CSMD3: variants seen among roughly 807,000 people sequenced by gnomAD.
CSMD3 encodes the protein CUB and sushi domain-containing protein 3.
A neutral mutation model predicts 435.2 loss-of-function variants in CSMD3; 177 were observed. The observed-to-expected ratio is 0.41, with a 90% CI of 0.36 to 0.46. The LOEUF (loss-of-function observed/expected upper bound fraction) is 0.46. Among genes scored for constraint, CSMD3 ranks in the 20% least tolerant of loss-of-function variants. CSMD3 has a pLI of 0.34. For synonymous variants in CSMD3, 1,656 were observed against 1,520.5 expected, an observed-to-expected ratio of 1.09 and a Z score of -2.07; for missense variants, 4,265 against 4,504.6, an observed-to-expected ratio of 0.95 and a Z score of 1.52.
chr8:112,986,483 T>C (rs1057129929), intron 6 of CSMD3, among the ~76,000 whole-genome samples: 4 of 152,150 alleles, frequency 2.6e-5, no homozygotes, highest in Non-Finnish European at 5.9e-5. Context: ...TTTTATTAAA[T>C]GAGAAACGGA....
intron 32 of CSMD3, among the ~76,000 whole-genome samples, chr8:112,444,126 C>A (rs1368626888): frequency 6.6e-6 from 1 of 152,048 alleles, no homozygotes; most frequent in Non-Finnish European, 1.5e-5. Context: ...GTAAAAGGAG[C>A]ATATGGGAAA....
At chr8:112,255,789 T>A in intron 61 of CSMD3, 2 of 262,792 alleles carry the variant, frequency 7.6e-6, no homozygotes, top group South Asian at 9.0e-5. Flanking sequence ...CTCATAGGTG[T>A]CCCTGTCAAA....
At chr8:112,710,952 T>C (rs995740352) in intron 13 of CSMD3, among the ~76,000 whole-genome samples, 2 of 151,996 alleles carry the variant, frequency 1.3e-5, no homozygotes, top group Non-Finnish European at 2.9e-5. Context: ...TTAGATCCAC[T>C]TTCTGGAGCC....
At chr8:112,441,840 G>A (rs1036330410) in intron 32 of CSMD3, among the ~76,000 whole-genome samples, 1 of 152,114 alleles carries the variant, frequency 6.6e-6, no homozygotes, top group Non-Finnish European at 1.5e-5. Context: ...TACTTCCCAT[G>A]ATGTCCCTCT....
intron 5 of CSMD3, among the ~76,000 whole-genome samples, chr8:113,094,122 C>G (rs1409303378): frequency 6.6e-6 from 1 of 151,996 alleles, no homozygotes; most frequent in Non-Finnish European, 1.5e-5. Flanking sequence ...GTCTTTCTGA[C>G]CTTTCTATTA....
chr8:113,071,347 T>C (rs2089107822), intron 5 of CSMD3, among the ~76,000 whole-genome samples: 1 of 151,890 alleles, frequency 6.6e-6, no homozygotes, highest in South Asian at 2.1e-4. Context: ...GTCCCAATTG[T>C]TTATTTTTGC....
chr8:112,437,788 A>G (rs1047814180), intron 32 of CSMD3, among the ~76,000 whole-genome samples: 4 of 152,116 alleles, frequency 2.6e-5, no homozygotes, highest in Non-Finnish European at 4.4e-5. Context: ...ATTCAGTAGC[A>G]TTATTCAGAG....
intron 31 of CSMD3, among the ~76,000 whole-genome samples, chr8:112,485,382 A>G (rs1820023612): frequency 6.6e-6 from 1 of 152,148 alleles, no homozygotes. Context: ...CATTTGTTTT[A>G]TGAATCTTTT....
intron 27 of CSMD3, among the ~76,000 whole-genome samples, chr8:112,526,878 G>C (rs1392830515): frequency 6.6e-6 from 1 of 151,820 alleles, no homozygotes; most frequent in Non-Finnish European, 1.5e-5. Flanking sequence ...ATGTGAGGTG[G>C]TATAATATTA....
At chr8:113,362,150 T>C (rs1407388362) in intron 1 of CSMD3, among the ~76,000 whole-genome samples, 1 of 152,174 alleles carries the variant, frequency 6.6e-6, no homozygotes, top group African/African-American at 2.4e-5. Flanking sequence ...TGGTCAAATA[T>C]TTTGATTCAA....
intron 6 of CSMD3, among the ~76,000 whole-genome samples, chr8:112,990,135 A>T (rs989608598): frequency 1.3e-5 from 2 of 151,932 alleles, no homozygotes; most frequent in Non-Finnish European, 2.9e-5. Context: ...TTTATACGTT[A>T]CTCAGTCCCG....
At chr8:113,168,203 C>T (rs949661790) in intron 4 of CSMD3, among the ~76,000 whole-genome samples, 3 of 151,910 alleles carry the variant, frequency 2.0e-5, no homozygotes, top group Non-Finnish European at 4.4e-5. Flanking sequence ...TGACAGTTTA[C>T]AATGGTTTGT....
chr8:113,306,984 A>T lies in CSMD3; in HGVS notation c.401+7587T>A, dbSNP rs76241984. Among the ~76,000 whole-genome samples, 715 of 152,240 alleles carry T rather than the reference A, an allele frequency of 4.7e-3. 15 individuals are homozygous for T. The East Asian group carries it at 0.071, about 15-fold the overall frequency. On this transcript the variant is annotated intron_variant, in intron 2 of 70. Transcript: ENST00000297405. The stretch of plus-strand genomic sequence containing the variant: ...TTTAAATCCCTCAACGTATCAAGAA[A>T]AAAAAATACTGGGTAAAGAATTGAT...
chr8:112,476,203 G>A lies in CSMD3; in HGVS notation c.5279-3496C>T, dbSNP rs541808373. On this transcript the variant is annotated intron_variant, in intron 31 of 70. Transcript: ENST00000297405. ...TGGAATTACAGCCATGCACTACCAC[G>A]CCAAGCTAATTTTTGTATTATTAGT... 1.4e-4 allele frequency among the ~76,000 whole-genome samples: 21 copies of A among 151,994 alleles called. No individual in the cohort carries two copies. In the East Asian group the frequency reaches 2.5e-3, roughly 18 times the overall value.
intron 1 of CSMD3, among the ~76,000 whole-genome samples, chr8:113,365,142 A>T (rs1406633008): frequency 6.6e-6 from 1 of 152,092 alleles, no homozygotes. Context: ...GCAAGAGTTT[A>T]TGACTTTTCA....
At chr8:113,156,348 A>G (rs1049829885) in intron 4 of CSMD3, among the ~76,000 whole-genome samples, 2 of 152,106 alleles carry the variant, frequency 1.3e-5, no homozygotes, top group African/African-American at 4.8e-5. Flanking sequence ...AACATATTTT[A>G]TAGAATTTTT....
intron 11 of CSMD3, among the ~76,000 whole-genome samples, chr8:112,835,970 A>G (rs2080011585): frequency 6.6e-6 from 1 of 151,808 alleles, no homozygotes; most frequent in Admixed American, 6.6e-5. Flanking sequence ...TGTAGCTTCA[A>G]TTCTCTCTTC....
chr8:113,328,692 CCAT>C (rs2094002730), intron 1 of CSMD3, among the ~76,000 whole-genome samples: 1 of 140,462 alleles, frequency 7.1e-6, no homozygotes, highest in Non-Finnish European at 1.5e-5. Context: ...ATTTAAAATA[CCAT>C]GTTTTCTTTT....
At chr8:113,276,440 A>G (rs911897671) in intron 3 of CSMD3, among the ~76,000 whole-genome samples, 5 of 152,090 alleles carry the variant, frequency 3.3e-5, no homozygotes, top group Non-Finnish European at 5.9e-5. Flanking sequence ...GCTCTAAGGT[A>G]TGAGGCCTCT....
Sources: allele counts gnomAD v4.1 joint callset (sites outside exome capture counted in the v4.1 genomes callset), GRCh38; gene constraint gnomAD v4.1.1; transcripts MANE v1.5; gene names NCBI Gene and HGNC (gene_info 2026-07-23, HGNC 2026-07-21).